RBM23: variants seen among roughly 807,000 people sequenced by gnomAD.
RBM23 encodes RNA binding motif protein 23.
RBM23 carries 53 observed loss-of-function variants against 56.2 expected under a neutral mutation model. That is an observed-to-expected ratio of 0.94 (90% CI 0.76 to 1.19). The LOEUF (loss-of-function observed/expected upper bound fraction) is 1.19, where lower values mean the gene tolerates loss of function less well. Ranked by LOEUF, RBM23 falls within the 50% of genes most tolerant of loss-of-function variation. The pLI is 0.00. For missense variants in RBM23, 642 were observed against 590.3 expected, an observed-to-expected ratio of 1.09 and a Z score of -0.91; for synonymous variants, 197 against 198.5, an observed-to-expected ratio of 0.99 and a Z score of 0.06.
Position 22,906,314 on chromosome 14 carries a change from T to C in RBM23, c.282A>G (p.Pro94=). The change falls in exon 5 of 14, where the codon CCA becomes CCG. Residue 94 remains proline, a synonymous_variant. Transcript: ENST00000359890. ...GGCTACGGTGACGACACTGCCGACC[T>C]GGACTTCGGCTCCGACTATTTCTCC... The part of the protein sequence containing the change: ...YRRRNSRSRS[P]GRQCRHRSRS... The C allele has an allele frequency of 6.2e-7, 1 of 1,614,250 alleles. No individual in the cohort carries two copies. Among genetic ancestry groups the C allele is most frequent in the Non-Finnish European group, 8.5e-7 (1 of 1,180,044 alleles).
intron 4 of RBM23, among the ~76,000 whole-genome samples, chr14:22,907,214 C>T (rs1038172743): frequency 9.2e-5 from 14 of 152,136 alleles, no homozygotes; most frequent in Admixed American, 3.3e-4. Context: ...TGGTGGCACA[C>T]GCCTGTAATC....
In RBM23 at chr14:22,900,729, C is replaced by T. The variant is rs2040380976; in HGVS notation, c.*1001G>A. 1 of 152,118 alleles carries T rather than the reference C, an allele frequency of 6.6e-6. No individual in the cohort carries two copies. The highest frequency in any genetic ancestry group is 6.5e-5 in the Admixed American group (1 of 15,282). 9.4% of individuals were successfully genotyped at this position (152,118 alleles called of 1,614,324 possible). On this transcript the variant is annotated 3_prime_UTR_variant, in exon 14 of 14. Transcript: ENST00000359890. Reference sequence around the variant, plus strand: ...TCAGACACACAACAAAGACCACACACAAATGGGCAACAGCTGCCACAAGGA... The same window carrying T: ...TCAGACACACAACAAAGACCACACATAAATGGGCAACAGCTGCCACAAGGA...
At chr14:22,907,237 G>A (rs897869809) in intron 4 of RBM23, among the ~76,000 whole-genome samples, 2 of 152,108 alleles carry the variant, frequency 1.3e-5, no homozygotes, top group African/African-American at 4.8e-5. Flanking sequence ...AGCTATTCAG[G>A]AGGCTGAGGC....
intron 10 of RBM23, chr14:22,902,991 AG>A (rs1452709751): frequency 1.3e-6 from 1 of 794,720 alleles, no homozygotes; most frequent in African/African-American, 1.9e-5. Context: ...CACGTTGGTC[AG>A]GCTGGTCTCG....
At chr14:22,903,590 C>T (rs1594237429) in intron 10 of RBM23, 6 of 990,254 alleles carry the variant, frequency 6.1e-6, no homozygotes, top group Middle Eastern at 5.2e-4. Flanking sequence ...AACCTACTGC[C>T]CTCTGCCCTG....
chr14:22,912,358 C>T (rs888952455), intron 1 of RBM23, among the ~76,000 whole-genome samples: 1 of 152,130 alleles, frequency 6.6e-6, no homozygotes, highest in Non-Finnish European at 1.5e-5. Flanking sequence ...CTAACCAATA[C>T]CAACTACAGT....
At chr14:22,911,983 T>G (rs10498278) in intron 1 of RBM23, 1 of 152,190 alleles carries the variant, frequency 6.6e-6, no homozygotes, top group South Asian at 2.1e-4. Context: ...AGAAGAAAAC[T>G]GAGTATCTAG....
intron 10 of RBM23, chr14:22,903,927 T>A: frequency 8.0e-7 from 1 of 1,242,884 alleles, no homozygotes; most frequent in Non-Finnish European, 1.0e-6. Context: ...ATAAAGCATG[T>A]CTTTAAAAGC....
At chr14:22,907,861 G>A (rs1162909008) in intron 4 of RBM23, among the ~76,000 whole-genome samples, 1 of 152,124 alleles carries the variant, frequency 6.6e-6, no homozygotes, top group Non-Finnish European at 1.5e-5. Flanking sequence ...AGGCTCATGT[G>A]TCTTTGTGTC....
At position 22,901,385 on chromosome 14, in the gene RBM23, T is replaced by C. The variant is rs1025370673; in HGVS notation, c.*345A>G. On this transcript the variant is annotated 3_prime_UTR_variant, in exon 14 of 14. Coordinates refer to ENST00000359890, the MANE Select transcript of RBM23 (RefSeq NM_001077351.2). ...AGGAGAGAGGTCAGTTCCTTCAGTATGCCCTATGGCCTTCCCAATGGGGGA... is the reference window on the plus strand; with the variant it reads ...AGGAGAGAGGTCAGTTCCTTCAGTACGCCCTATGGCCTTCCCAATGGGGGA... The C allele has an allele frequency of 2.6e-6, 1 of 381,484 alleles. No individual in the cohort carries two copies. Among genetic ancestry groups the C allele is most frequent in the Non-Finnish European group, 4.7e-6 (1 of 211,780 alleles). The allele number at this position is 381,484 out of a possible 1,614,324, so 23.6% of individuals were successfully genotyped here.
At position 22,901,723 on chromosome 14, in the gene RBM23, C is replaced by T. The variant is rs1233971243; in HGVS notation, c.*7G>A. ...GGCACAAGGAGGCAGTATACTGTGCCACTGATTTACCTGTGGAAAGAAGAG... is the reference window on the plus strand; with the variant it reads ...GGCACAAGGAGGCAGTATACTGTGCTACTGATTTACCTGTGGAAAGAAGAG... On this transcript the variant is annotated 3_prime_UTR_variant, in exon 14 of 14. Coordinates refer to ENST00000359890, the MANE Select transcript of RBM23 (RefSeq NM_001077351.2). 1 of 1,613,202 alleles carries T rather than the reference C, an allele frequency of 6.2e-7. No individual in the cohort carries two copies. The highest frequency in any genetic ancestry group is 1.7e-5 in the Admixed American group (1 of 60,022).
rs561627045 is a variant in RBM23 at position 22,904,862 on chromosome 14, C to T, written c.864+13G>A. 1 of 1,613,880 alleles carries T rather than the reference C, an allele frequency of 6.2e-7. No homozygotes were observed. Among genetic ancestry groups the T allele is most frequent in the Non-Finnish European group, 8.5e-7 (1 of 1,179,854 alleles). ...TCCAATTCCCTTCAGAGGTTTCTCTCACTTCTACTCACTTTACCAAAGGGC... is the reference window on the plus strand; with the variant it reads ...TCCAATTCCCTTCAGAGGTTTCTCTTACTTCTACTCACTTTACCAAAGGGC... On this transcript the variant is annotated intron_variant, in intron 9 of 13. Transcript: ENST00000359890.
rs1209896572 is a variant in RBM23 at position 22,898,861 on chromosome 14, G to A, written c.*2869C>T. Reference sequence around the variant, plus strand: ...TGGCCTCAGGATGACTAACAAAAACGGTACCCACTGCACTTCTCAAGATAC... The same window carrying A: ...TGGCCTCAGGATGACTAACAAAAACAGTACCCACTGCACTTCTCAAGATAC... On this transcript the variant is annotated 3_prime_UTR_variant, in exon 14 of 14. Coordinates refer to ENST00000359890, the MANE Select transcript of RBM23 (RefSeq NM_001077351.2). The A allele has an allele frequency of 6.6e-6, 1 of 151,998 alleles. No homozygotes were observed. The highest frequency in any genetic ancestry group is 1.5e-5 in the Non-Finnish European group (1 of 68,028). The allele number at this position is 151,998 out of a possible 1,614,324, so 9.4% of individuals were successfully genotyped here.
At chr14:22,912,046 G>A (rs1262553038) in intron 1 of RBM23, 2 of 152,122 alleles carry the variant, frequency 1.3e-5, no homozygotes, top group Non-Finnish European at 2.9e-5. Context: ...AATGATGGTG[G>A]CCAAACTACT....
At position 22,902,106 on chromosome 14, in the gene RBM23, GGAAAA is replaced by G; in HGVS notation, c.1127-12_1127-8del. 6.2e-7 allele frequency: 1 copy of G among 1,606,604 alleles called. No individual in the cohort carries two copies. Among genetic ancestry groups the G allele is most frequent in the South Asian group, 1.1e-5 (1 of 90,540 alleles). On this transcript the variant is annotated splice_polypyrimidine_tract_variant and splice_region_variant and intron_variant, in intron 11 of 13. Transcript: ENST00000359890. ...GGCAGTTGGATTCCAGCGCCTAAAA[GGAAAA>G]GAAAAGGTGGGATTAAGCCCCAACC... is the stretch of plus-strand genomic sequence containing the variant.
intron 10 of RBM23, chr14:22,902,775 T>A: frequency 1.0e-6 from 1 of 969,366 alleles, no homozygotes; most frequent in Non-Finnish European, 1.2e-6. Flanking sequence ...TTTTTTTTTT[T>A]TTTTTTTTTG....
chr14:22,913,848 C>CAAA (rs959426649), intron 1 of RBM23: 1 of 146,648 alleles, frequency 6.8e-6, no homozygotes, highest in Non-Finnish European at 1.5e-5. Flanking sequence ...GATTCCATCT[C>CAAA]AAAAAAAAAA....
chr14:22,908,651 C>T, intron 3 of RBM23: 1 of 336,520 alleles, frequency 3.0e-6, no homozygotes, highest in Non-Finnish European at 5.5e-6. Flanking sequence ...GCCTCAGCCT[C>T]CCAAAGTGCT....
At chr14:22,902,748 G>C in intron 10 of RBM23, 4 of 195,898 alleles carry the variant, frequency 2.0e-5, no homozygotes, top group Non-Finnish European at 3.1e-5. Context: ...ATCCTAGTAA[G>C]TTTTAGTCTT....
Sources: gnomAD v4.1 joint callset for allele counts (sites outside exome capture counted in the v4.1 genomes callset) on GRCh38, gnomAD v4.1.1 for gene constraint, MANE v1.5 for transcripts, NCBI Gene and HGNC (gene_info 2026-07-23, HGNC 2026-07-21) for gene names.